Variants in TMEM132C observed in about 807,000 individuals in gnomAD.
TMEM132C encodes transmembrane protein 132C, also known as protein phosphatase 1, regulatory subunit 152.
In TMEM132C, 29 loss-of-function variants were observed where a neutral mutation model predicts 61.4. That is an observed-to-expected ratio of 0.47 (90% CI 0.35 to 0.64). The LOEUF is 0.64. Among genes scored for constraint, TMEM132C ranks in the 30% least tolerant of loss-of-function variants. TMEM132C has a pLI of 0.00. For synonymous variants in TMEM132C, 656 were observed against 633.1 expected (o/e 1.04, Z -0.54); for missense variants, 1,408 against 1,476.9 (o/e 0.95, Z 0.76).
At chr12:128,676,838 C>T (rs1206749922) in intron 5 of TMEM132C, among the ~76,000 whole-genome samples, 1 of 152,236 alleles carries the variant, frequency 6.6e-6, no homozygotes, top group East Asian at 1.9e-4. Context: ...GCACTTGGAA[C>T]ATGAAGCCAG....
intron 2 of TMEM132C, among the ~76,000 whole-genome samples, chr12:128,463,468 A>C (rs2136072284): frequency 6.6e-6 from 1 of 151,976 alleles, no homozygotes; most frequent in Non-Finnish European, 1.5e-5. Context: ...ACAGGCATGC[A>C]CCACCTCGCC....
chr12:128,693,924 C>T lies in TMEM132C; in HGVS notation c.1545C>T (p.Ala515=). The change falls in exon 6 of 9, where the codon GCC becomes GCT. Residue 515 remains alanine (A), a synonymous_variant. Coordinates refer to ENST00000435159, the MANE Select transcript of TMEM132C (RefSeq NM_001136103.3). The part of the protein sequence containing the change: ...VVNFTYQYLS[A]PLCVTVWVPR... ...ACTTCACATACCAGTACCTGAGCGC[C>T]CCCCTGTGTGTCACCGTGTGGGTGC... The T allele has an allele frequency of 7.1e-6, 11 of 1,551,726 alleles. No homozygotes were observed. The highest frequency in any genetic ancestry group is 9.6e-6 in the Non-Finnish European group (11 of 1,147,012).
At chr12:128,417,154 A>AT (rs1305520337) in intron 2 of TMEM132C, among the ~76,000 whole-genome samples, 1 of 152,098 alleles carries the variant, frequency 6.6e-6, no homozygotes, top group Admixed American at 6.5e-5. Context: ...TCTGAGTTTA[A>AT]TTTTTGGTAA....
intron 1 of TMEM132C, among the ~76,000 whole-genome samples, chr12:128,293,427 T>G (rs1308276595): frequency 6.6e-6 from 1 of 152,120 alleles, no homozygotes; most frequent in South Asian, 2.1e-4. Flanking sequence ...ACACCACCCA[T>G]CGGGAGGCCA....
intron 2 of TMEM132C, among the ~76,000 whole-genome samples, chr12:128,522,485 C>A (rs1872940718): frequency 6.6e-6 from 1 of 152,172 alleles, no homozygotes; most frequent in South Asian, 2.1e-4. Flanking sequence ...ATTTTATTTT[C>A]ATTTTCCATT....
At position 128,706,270 on chromosome 12, in the gene TMEM132C, T is replaced by G; in HGVS notation, c.3302T>G (p.Leu1101Arg). Residue 1101 changes from leucine to arginine, a missense_variant, in exon 9 of 9, where the codon CTG becomes CGG. Transcript: ENST00000435159. ...GCCCCCAAGGAACTTAGAAACTATC[T>G]GGAGAAACTCAAAGATAAGGCTTAG... ...VGAPKELRNY[L>R]EKLKDKA The G allele has an allele frequency of 6.5e-7, 1 of 1,546,780 alleles. No homozygotes were observed. Among genetic ancestry groups the G allele is most frequent in the Non-Finnish European group, 8.7e-7 (1 of 1,143,974 alleles).
At chr12:128,571,711 T>C (rs1874891814) in intron 3 of TMEM132C, among the ~76,000 whole-genome samples, 1 of 152,238 alleles carries the variant, frequency 6.6e-6, no homozygotes, top group South Asian at 2.1e-4. Flanking sequence ...ACAGAAAATC[T>C]AACTGAAATC....
chr12:128,595,465 G>T (rs756907412), intron 3 of TMEM132C, among the ~76,000 whole-genome samples: 2 of 152,190 alleles, frequency 1.3e-5, no homozygotes, highest in Admixed American at 6.5e-5. Flanking sequence ...GTTCACTAAG[G>T]GGGGAAGCTG....
chr12:128,500,405 A>G (rs1025907764), intron 2 of TMEM132C, among the ~76,000 whole-genome samples: 2 of 152,144 alleles, frequency 1.3e-5, no homozygotes, highest in African/African-American at 4.8e-5. Context: ...AAGTGAAGAG[A>G]CAACCTGCAG....
intron 1 of TMEM132C, among the ~76,000 whole-genome samples, chr12:128,276,173 A>G (rs567546410): frequency 6.9e-4 from 105 of 152,344 alleles, no homozygotes; most frequent in African/African-American, 2.2e-3. Flanking sequence ...TTTTGAGGCC[A>G]TGCAAACTAT....
chr12:128,658,482 G>A (rs369038158), intron 4 of TMEM132C, among the ~76,000 whole-genome samples: 59 of 151,926 alleles, frequency 3.9e-4, no homozygotes, highest in South Asian at 4.2e-4. Flanking sequence ...AACCAACTGC[G>A]CTTCCGCTGA....
At chr12:128,590,715 A>T (rs928396515) in intron 3 of TMEM132C, among the ~76,000 whole-genome samples, 1 of 152,192 alleles carries the variant, frequency 6.6e-6, no homozygotes, top group African/African-American at 2.4e-5. Flanking sequence ...GGGTGTAGAC[A>T]TGCTGGACTG....
chr12:128,649,486 A>G (rs1954245734), intron 4 of TMEM132C, among the ~76,000 whole-genome samples: 1 of 152,230 alleles, frequency 6.6e-6, no homozygotes, highest in Admixed American at 6.5e-5. Context: ...GATGCACAAC[A>G]GAAATGCCTC....
At chr12:128,352,173 G>C (rs935069036) in intron 1 of TMEM132C, among the ~76,000 whole-genome samples, 2 of 152,168 alleles carry the variant, frequency 1.3e-5, no homozygotes, top group African/African-American at 4.8e-5. Flanking sequence ...ACCTGAGACT[G>C]GGTATTTATA....
intron 4 of TMEM132C, among the ~76,000 whole-genome samples, chr12:128,665,270 CA>C (rs1954447517): frequency 6.8e-6 from 1 of 148,124 alleles, no homozygotes; most frequent in African/African-American, 2.6e-5. Flanking sequence ...CATACACAAA[CA>C]GGCACACGCA....
At chr12:128,361,214 G>T (rs548191818) in intron 1 of TMEM132C, among the ~76,000 whole-genome samples, 2 of 152,326 alleles carry the variant, frequency 1.3e-5, no homozygotes, top group South Asian at 2.1e-4. Context: ...GGTGGCCCAA[G>T]AATTTCTATC....
chr12:128,274,757 G>A (rs1410911431), intron 1 of TMEM132C, among the ~76,000 whole-genome samples: 2 of 152,180 alleles, frequency 1.3e-5, no homozygotes, highest in Non-Finnish European at 2.9e-5. Context: ...TTCACCTGGG[G>A]AATTTTGAAA....
intron 2 of TMEM132C, among the ~76,000 whole-genome samples, chr12:128,532,673 G>T (rs1273700212): frequency 7.1e-6 from 1 of 141,796 alleles, no homozygotes; most frequent in Non-Finnish European, 1.5e-5. Flanking sequence ...AAAAAGAGCA[G>T]TAGCCAAATT....
chr12:128,682,077 C>G (rs985752024), intron 5 of TMEM132C, among the ~76,000 whole-genome samples: 2 of 152,130 alleles, frequency 1.3e-5, no homozygotes, highest in Non-Finnish European at 2.9e-5. Flanking sequence ...CCGCTTAGGT[C>G]CGTCCTGTGC....
Sources: allele counts gnomAD v4.1 joint callset (sites outside exome capture counted in the v4.1 genomes callset), GRCh38; gene constraint gnomAD v4.1.1; transcripts MANE v1.5; gene names NCBI Gene and HGNC (gene_info 2026-07-23, HGNC 2026-07-21).